CFAP36: variants seen among roughly 807,000 people sequenced by gnomAD.
CFAP36 encodes cilia and flagella associated protein 36, also known as cilia- and flagella-associated protein 36.
In CFAP36, 37 loss-of-function variants were observed where a neutral mutation model predicts 50.5. That is an observed-to-expected ratio of 0.73 (90% CI 0.56 to 0.96). The LOEUF is 0.96. Ranked by LOEUF, CFAP36 falls within the 50% of genes least tolerant of loss-of-function variation. The pLI, the probability that CFAP36 is intolerant of heterozygous loss-of-function variation, is 0.00. For synonymous variants in CFAP36, 138 were observed against 128.2 expected, an observed-to-expected ratio of 1.08 and a Z score of -0.52; for missense variants, 407 against 396.2, an observed-to-expected ratio of 1.03 and a Z score of -0.23.
intron 5 of CFAP36, among the ~76,000 whole-genome samples, chr2:55,535,215 C>T (rs55819630): frequency 2.0e-5 from 3 of 152,232 alleles, no homozygotes; most frequent in African/African-American, 4.8e-5. Flanking sequence ...TGGTTACTTT[C>T]GAAAAGCACT....
intron 6 of CFAP36, among the ~76,000 whole-genome samples, chr2:55,536,402 A>G (rs768628391): frequency 3.3e-5 from 5 of 151,912 alleles, no homozygotes; most frequent in Admixed American, 6.6e-5. Context: ...AAGTGCTGGG[A>G]TTACAGGTGT....
intron 4 of CFAP36, among the ~76,000 whole-genome samples, chr2:55,529,875 T>C (rs13006502): frequency 0.22 from 34,121 of 152,022 alleles, 3,956 homozygotes; most frequent in East Asian, 0.34. Context: ...CTCGATCTCC[T>C]GACCTCGTGA....
chr2:55,536,643 G>A (rs1482484248), intron 6 of CFAP36, among the ~76,000 whole-genome samples: 2 of 151,992 alleles, frequency 1.3e-5, no homozygotes, highest in Non-Finnish European at 2.9e-5. Flanking sequence ...GTAGAGACAG[G>A]GTTTCACCAT....
chr2:55,526,653 G>A (rs1684215621), intron 3 of CFAP36, among the ~76,000 whole-genome samples: 1 of 152,080 alleles, frequency 6.6e-6, no homozygotes, highest in African/African-American at 2.4e-5. Flanking sequence ...GTGTTGTCCA[G>A]GCTGGTCTTG....
Position 55,545,055 on chromosome 2 carries a change from ATAAAT to A in CFAP36, c.*50_*54del. 8.5e-7 allele frequency: 1 copy of A among 1,179,124 alleles called. No individual in the cohort carries two copies. Among genetic ancestry groups the A allele is most frequent in the South Asian group, 1.4e-5 (1 of 70,042 alleles). The allele number at this position is 1,179,124 out of a possible 1,614,324, so 73.0% of individuals were successfully genotyped here. On this transcript the variant is annotated 3_prime_UTR_variant, in exon 10 of 10. Transcript: ENST00000349456. Reference sequence around the variant, plus strand: ...AATGGAAGTTCAAATTGTCTTAAAAATAAATTATTTAGTCCTTACACTGAGCCTTT... The same window carrying A: ...AATGGAAGTTCAAATTGTCTTAAAAATATTTAGTCCTTACACTGAGCCTTT...
chr2:55,526,594 A>G (rs975373735), intron 3 of CFAP36, among the ~76,000 whole-genome samples: 3 of 152,264 alleles, frequency 2.0e-5, no homozygotes, highest in African/African-American at 7.2e-5. Context: ...GGTGTGCACC[A>G]TTATGCCTGG....
At chr2:55,522,249 A>G in intron 2 of CFAP36, 83 bp downstream of exon 2, 1 of 732,084 alleles carries the variant, frequency 1.4e-6, no homozygotes, top group South Asian at 2.1e-5. Context: ...AAATATTTTT[A>G]CATTAAAAAT....
At chr2:55,523,107 AAAAAG>A in intron 2 of CFAP36, among the ~76,000 whole-genome samples, 1 of 149,972 alleles carries the variant, frequency 6.7e-6, no homozygotes, top group African/African-American at 2.4e-5. Flanking sequence ...CAAAAAAAAA[AAAAAG>A]AAAGAAAGAA....
intron 7 of CFAP36, among the ~76,000 whole-genome samples, chr2:55,541,209 A>T (rs1289026534): frequency 6.6e-6 from 1 of 152,078 alleles, no homozygotes; most frequent in African/African-American, 2.4e-5. Context: ...CTGTAATGCT[A>T]GCTACTCGGG....
intron 7 of CFAP36, 32 bp from the exon 8 acceptor site, chr2:55,543,906 T>G (rs1190292422): frequency 1.3e-6 from 2 of 1,566,754 alleles, no homozygotes; most frequent in East Asian, 2.2e-5. Flanking sequence ...CTCATAATAT[T>G]CTAATTGCTC....
At chr2:55,520,283 C>A in intron 1 of CFAP36, 1 of 895,502 alleles carries the variant, frequency 1.1e-6, no homozygotes, top group Non-Finnish European at 1.7e-6. Context: ...TGGGCTTCTT[C>A]AACAGCTTTG....
chr2:55,525,254 C>A (rs190624402), intron 3 of CFAP36, among the ~76,000 whole-genome samples: 5 of 152,168 alleles, frequency 3.3e-5, no homozygotes, highest in Admixed American at 6.5e-5. Flanking sequence ...GGGTTCGAAA[C>A]CAGCCTGGAC....
chr2:55,528,738 G>C, intron 3 of CFAP36, 140 bp from the exon 4 acceptor site: 1 of 563,594 alleles, frequency 1.8e-6, no homozygotes, highest in East Asian at 3.1e-5. Context: ...TTTTAAAATT[G>C]TCCTTTTGGG....
intron 3 of CFAP36, among the ~76,000 whole-genome samples, chr2:55,524,667 C>T (rs373671044): frequency 2.6e-5 from 4 of 152,120 alleles, no homozygotes; most frequent in African/African-American, 9.6e-5. Flanking sequence ...GAAACTGCTA[C>T]TATATAACTT....
At position 55,536,660 on chromosome 2, in the gene CFAP36, C is replaced by T. The variant is rs191607306; in HGVS notation, c.538-823C>T. 8.2e-4 allele frequency among the ~76,000 whole-genome samples: 125 copies of T among 152,224 alleles called. 3 individuals are homozygous for T. The South Asian group carries it at 0.015, about 18-fold the overall frequency. ...AGAGACAGGGTTTCACCATGTTGGCCAAGCTGCTCTTGAACTCCTGACCTC... is the reference window on the plus strand; with the variant it reads ...AGAGACAGGGTTTCACCATGTTGGCTAAGCTGCTCTTGAACTCCTGACCTC... On this transcript the variant is annotated intron_variant, in intron 6 of 9. Coordinates refer to ENST00000349456, the MANE Select transcript of CFAP36 (RefSeq NM_080667.7).
intron 7 of CFAP36, among the ~76,000 whole-genome samples, chr2:55,539,787 A>G (rs1684586656): frequency 6.6e-6 from 1 of 152,156 alleles, no homozygotes; most frequent in African/African-American, 2.4e-5. Flanking sequence ...TGGTGTTGTC[A>G]GTGTTCTGGA....
intron 7 of CFAP36, among the ~76,000 whole-genome samples, chr2:55,543,628 T>C (rs1170497503): frequency 6.6e-6 from 1 of 152,224 alleles, no homozygotes; most frequent in Non-Finnish European, 1.5e-5. Context: ...TCTTATATTA[T>C]AGTGTAGTTC....
At chr2:55,540,551 C>A (rs1051025456) in intron 7 of CFAP36, among the ~76,000 whole-genome samples, 28 of 152,162 alleles carry the variant, frequency 1.8e-4, no homozygotes, top group Admixed American at 1.8e-3. Context: ...TTTTGTTCTT[C>A]AATATTGTGT....
Position 55,537,592 on chromosome 2 carries a change from T to G in CFAP36, c.640+7T>G. ...TTTGCACACCCACCCTCAGGTAAGG[T>G]TGAGGTGTACTGAACTTTCTCTAAT... On this transcript the variant is annotated splice_region_variant and intron_variant, in intron 7 of 9. Coordinates refer to ENST00000349456, the MANE Select transcript of CFAP36 (RefSeq NM_080667.7). 1 of 1,578,422 alleles carries G rather than the reference T, an allele frequency of 6.3e-7. No individual in the cohort carries two copies. Among genetic ancestry groups the G allele is most frequent in the Non-Finnish European group, 8.7e-7 (1 of 1,154,516 alleles).
Sources: gnomAD v4.1 joint callset for allele counts (sites outside exome capture counted in the v4.1 genomes callset) on GRCh38, gnomAD v4.1.1 for gene constraint, MANE v1.5 for transcripts, NCBI Gene and HGNC (gene_info 2026-07-23, HGNC 2026-07-21) for gene names.